The following RPS6KB1 variants were observed in gnomAD, a reference collection of about 807,000 sequenced individuals.
The protein encoded by RPS6KB1 is ribosomal protein S6 kinase B1.
In RPS6KB1, 12 loss-of-function variants were observed where a neutral mutation model predicts 70.2. The observed-to-expected ratio is 0.17, with a 90% CI of 0.11 to 0.28. The LOEUF is 0.28. Ranked by LOEUF, RPS6KB1 falls within the 10% of genes least tolerant of loss-of-function variation. The pLI, the probability that RPS6KB1 is intolerant of heterozygous loss-of-function variation, is 1.00. For missense variants in RPS6KB1, 270 were observed against 646.6 expected (o/e 0.42, Z 6.32); for synonymous variants, 175 against 211.2 (o/e 0.83, Z 1.49).
intron 1 of RPS6KB1, among the ~76,000 whole-genome samples, chr17:59,909,120 G>A (rs1466969427): frequency 6.8e-6 from 1 of 147,946 alleles, no homozygotes; most frequent in Non-Finnish European, 1.5e-5. Context: ...TAGAGATGGG[G>A]TTTCTCCATA....
chr17:59,917,552 C>G (rs2144839885), intron 4 of RPS6KB1, among the ~76,000 whole-genome samples: 1 of 152,184 alleles, frequency 6.6e-6, no homozygotes, highest in Middle Eastern at 3.4e-3. Flanking sequence ...ATCCTCCTGC[C>G]ACAACTTCTG....
rs1281337398 is a variant in RPS6KB1 at position 59,946,812 on chromosome 17, T to C, written c.*24T>C. 1 of 1,609,546 alleles carries C rather than the reference T, an allele frequency of 6.2e-7. No individual in the cohort carries two copies. Among genetic ancestry groups the C allele is most frequent in the African/African-American group, 1.3e-5 (1 of 74,592 alleles). The stretch of plus-strand genomic sequence containing the variant: ...GACAGAGCAATGCTTTTAATGAATT[T>C]AAGGCAAAAAAGGTGGAGAGGGAGA... On this transcript the variant is annotated 3_prime_UTR_variant, in exon 15 of 15. Transcript: ENST00000225577. The surrounding 1 kb of genome is among the most constrained non-coding windows in gnomAD (Gnocchi z 4.2).
chr17:59,923,612 G>A (rs1335029878), intron 4 of RPS6KB1, among the ~76,000 whole-genome samples: 1 of 151,978 alleles, frequency 6.6e-6, no homozygotes, highest in African/African-American at 2.4e-5. Context: ...CTGCGTTCAA[G>A]CAGTTTTCTG....
rs2044907921 is a variant in RPS6KB1, at chr17:59,946,057, G to A, written c.1341-494G>A. ...GGTGTAGTAACATCTAGCAGTGAAC[G>A]GAAAGAGCCAGCCCTACAAAAATAG... On this transcript the variant is annotated intron_variant, in intron 14 of 14. Transcript: ENST00000225577. This position sits in a 1 kb window ranked among gnomAD's most constrained non-coding sequence, Gnocchi z 4.2. Among the ~76,000 whole-genome samples, 4 of 152,058 alleles carry A rather than the reference G, an allele frequency of 2.6e-5. No individual in the cohort carries two copies. Among genetic ancestry groups the A allele is most frequent in the South Asian group, 4.1e-4 (2 of 4,830 alleles).
At chr17:59,938,699 TTGTGTGTGTGTGTGTGTGTGTG>T (rs58751297) in intron 12 of RPS6KB1, among the ~76,000 whole-genome samples, 3 of 138,082 alleles carry the variant, frequency 2.2e-5, no homozygotes, top group African/African-American at 5.3e-5. Context: ...AATGTGTAGT[TTGTGTGTGTGTGTGTGTGTGTG>T]TGTGTGTGTG....
intron 2 of RPS6KB1, among the ~76,000 whole-genome samples, chr17:59,911,538 GTTTTTT>G (rs1184826889): frequency 2.5e-4 from 19 of 74,738 alleles, no homozygotes; most frequent in Admixed American, 2.3e-3. Flanking sequence ...TTTTTGTTGG[GTTTTTT>G]TTTTTTTTTT....
chr17:59,940,359 T>A (rs1393796895), intron 12 of RPS6KB1, among the ~76,000 whole-genome samples: 1 of 150,260 alleles, frequency 6.7e-6, no homozygotes, highest in Non-Finnish European at 1.5e-5. Context: ...CGATCTCTGC[T>A]TGCTGCAACC....
At chr17:59,899,254 A>G (rs1392763089) in intron 1 of RPS6KB1, among the ~76,000 whole-genome samples, 1 of 151,832 alleles carries the variant, frequency 6.6e-6, no homozygotes, top group Non-Finnish European at 1.5e-5. Flanking sequence ...GAGAGTTGTC[A>G]GTATGTATTA....
In RPS6KB1 at chr17:59,934,790, T is replaced by G; in HGVS notation, c.870+266T>G. 1 of 436,134 alleles carries G rather than the reference T, an allele frequency of 2.3e-6. No homozygotes were observed. Among genetic ancestry groups the G allele is most frequent in the Non-Finnish European group, 4.1e-6 (1 of 245,892 alleles). 27.0% of individuals were successfully genotyped at this position (436,134 alleles called of 1,614,324 possible). A position where few individuals can be genotyped will look rare whatever the true frequency, so the allele number is the denominator to read the frequency against. ...TGCCCTTATTTTATAAATGGAGAAA[T>G]TGAAGCATAAAATCACATAGCTCAC... On this transcript the variant is annotated intron_variant, in intron 9 of 14. Transcript: ENST00000225577. This position sits in a 1 kb window ranked among gnomAD's most constrained non-coding sequence, Gnocchi z 4.8.
intron 1 of RPS6KB1, among the ~76,000 whole-genome samples, chr17:59,894,576 G>A (rs2041400867): frequency 6.6e-6 from 1 of 152,098 alleles, no homozygotes; most frequent in Admixed American, 6.6e-5. Context: ...GAAACTAAGT[G>A]GCCTAAAATA....
chr17:59,913,250 A>G (rs2042751842), intron 3 of RPS6KB1, among the ~76,000 whole-genome samples: 1 of 152,186 alleles, frequency 6.6e-6, no homozygotes, highest in South Asian at 2.1e-4. Flanking sequence ...GGGGGAAGAA[A>G]ACTATTTAGT....
intron 1 of RPS6KB1, among the ~76,000 whole-genome samples, chr17:59,901,831 A>G (rs1242223008): frequency 2.0e-5 from 3 of 151,422 alleles, no homozygotes; most frequent in Non-Finnish European, 4.4e-5. Context: ...AGCCTGGGCA[A>G]CATAGTGAGA....
intron 13 of RPS6KB1, among the ~76,000 whole-genome samples, chr17:59,943,188 G>A (rs1390571101): frequency 6.6e-6 from 1 of 152,126 alleles, no homozygotes; most frequent in Admixed American, 6.5e-5. Flanking sequence ...CAAGTTTGAT[G>A]TGTGCATGAT....
intron 1 of RPS6KB1, among the ~76,000 whole-genome samples, chr17:59,906,571 A>G (rs957517167): frequency 6.6e-6 from 1 of 152,140 alleles, no homozygotes; most frequent in African/African-American, 2.4e-5. Context: ...CATATTGGCC[A>G]GGCTGGTCTT....
At chr17:59,927,729 A>G (rs1056450547) in intron 5 of RPS6KB1, among the ~76,000 whole-genome samples, 10 of 148,134 alleles carry the variant, frequency 6.8e-5, no homozygotes, top group Admixed American at 6.7e-5. Context: ...CTGGTCTTGA[A>G]CTCCTGACCT....
intron 1 of RPS6KB1, among the ~76,000 whole-genome samples, chr17:59,897,181 T>C (rs2041612733): frequency 6.6e-6 from 1 of 152,242 alleles, no homozygotes; most frequent in Admixed American, 6.5e-5. Context: ...GTTGTGTTTA[T>C]AATGTTCCTC....
chr17:59,915,780 T>TATTTA (rs1487201909), intron 4 of RPS6KB1, among the ~76,000 whole-genome samples: 4 of 117,680 alleles, frequency 3.4e-5, no homozygotes, highest in Non-Finnish European at 7.1e-5. Context: ...GCTATCTTTT[T>TATTTA]TTTTTTTTTT....
rs1458729840 is a variant in RPS6KB1 at position 59,947,962 on chromosome 17, A to G, written c.*1174A>G. The G allele has an allele frequency of 4.6e-6, 1 of 216,368 alleles. No homozygotes were observed. The highest frequency in any genetic ancestry group is 9.5e-5 in the East Asian group (1 of 10,506). 13.4% of individuals were successfully genotyped at this position (216,368 alleles called of 1,614,324 possible). On this transcript the variant is annotated 3_prime_UTR_variant, in exon 15 of 15. Transcript: ENST00000225577. ...TTTTTTCCTCAACAGTTTTAAAAAG[A>G]AAAAAAGGTCTATTTTTTTTTCTCC...
intron 1 of RPS6KB1, among the ~76,000 whole-genome samples, chr17:59,904,417 CG>C (rs2042140637): frequency 6.8e-6 from 1 of 146,296 alleles, no homozygotes; most frequent in Non-Finnish European, 1.5e-5. Context: ...TTTTTTGAGA[CG>C]GAGCTGCCTC....
Sources: gnomAD v4.1 joint callset for allele counts (sites outside exome capture counted in the v4.1 genomes callset) on GRCh38, gnomAD v4.1.1 for gene constraint, Gnocchi (gnomAD v3.1) non-coding constraint, MANE v1.5 for transcripts, NCBI Gene and HGNC (gene_info 2026-07-23, HGNC 2026-07-21) for gene names.